The following PTPRS variants were observed in gnomAD, a reference collection of about 807,000 sequenced individuals.
The protein encoded by PTPRS is protein tyrosine phosphatase receptor type S.
A neutral mutation model predicts 215.3 loss-of-function variants in PTPRS; 63 were observed. The ratio of observed to expected loss-of-function variants is 0.29; its 90% CI spans 0.24 to 0.36. PTPRS has a LOEUF of 0.36. PTPRS is among the 10% of genes least tolerant of loss of function. PTPRS has a pLI of 1.00. For missense variants in PTPRS, 2,258 were observed against 2,825.8 expected (o/e 0.80, Z 4.56); for synonymous variants, 1,404 against 1,191.4 (o/e 1.18, Z -3.68).
chr19:5,208,509 T>G, intron 35 of PTPRS, 118 bp from the exon 36 acceptor site: 5 of 1,080,428 alleles, frequency 4.6e-6, no homozygotes, highest in Non-Finnish European at 5.1e-6. Flanking sequence ...GAGATGGAGT[T>G]TCACTCTTGT....
intron 11 of PTPRS, among the ~76,000 whole-genome samples, chr19:5,242,532 TA>T (rs1199122157): frequency 6.7e-6 from 1 of 148,486 alleles, no homozygotes; most frequent in African/African-American, 2.4e-5. Context: ...CACGACTGGC[TA>T]ATTTTTGTAT....
intron 1 of PTPRS, among the ~76,000 whole-genome samples, chr19:5,327,820 C>T (rs1392308994): frequency 6.6e-6 from 1 of 152,062 alleles, no homozygotes; most frequent in Non-Finnish European, 1.5e-5. Flanking sequence ...AGGTTGGACT[C>T]GATCTCCTAG....
In PTPRS at chr19:5,240,350, G is replaced by C. The variant is rs117406236; in HGVS notation, c.1571-18C>G. On this transcript the variant is annotated intron_variant, in intron 11 of 37. Coordinates refer to ENST00000262963, the MANE Select transcript of PTPRS (RefSeq NM_002850.4). Reference sequence around the variant, plus strand: ...GCCCGGCACTGTGGGGGTGCAGGGAGACAACTAGGAGTCGGGGAGCGTCCA... The same window carrying C: ...GCCCGGCACTGTGGGGGTGCAGGGACACAACTAGGAGTCGGGGAGCGTCCA... The C allele has an allele frequency of 8.8e-3, 13,916 of 1,574,632 alleles. 65 individuals are homozygous for C. Among genetic ancestry groups the C allele is most frequent in the Non-Finnish European group, 0.011 (12,499 of 1,161,516 alleles).
Position 5,229,600 on chromosome 19 carries a change from C to T in PTPRS, c.2240G>A (p.Gly747Asp), listed in dbSNP as rs1195141314. Residue 747 changes from glycine to aspartate, a missense_variant, in exon 15 of 38, where the codon GGC becomes GAC. By Grantham distance (94) the Gly-to-Asp change is moderately conservative (BLOSUM62 -1). This residue lies in a region of PTPRS where 371 missense variants were observed against 446.7 expected (regional missense o/e 0.83). Transcript: ENST00000262963. Reference protein sequence around the residue: ...IRVLWRSPAPGRQHGQIRGYQ... With the variant: ...IRVLWRSPAPDRQHGQIRGYQ... ...GCCGCGGATCTGGCCGTGCTGCCGGCCGGGCGCGGGCGAGCGCCACAGCAC... is the reference window on the plus strand; with the variant it reads ...GCCGCGGATCTGGCCGTGCTGCCGGTCGGGCGCGGGCGAGCGCCACAGCAC... The T allele has an allele frequency of 3.5e-6, 5 of 1,428,458 alleles. No homozygotes were observed. Among genetic ancestry groups the T allele is most frequent in the Admixed American group, 5.5e-5 (2 of 36,574 alleles). 88.5% of individuals were successfully genotyped at this position (1,428,458 alleles called of 1,614,324 possible). A position where few individuals can be genotyped will look rare whatever the true frequency, so the allele number is the denominator to read the frequency against.
intron 37 of PTPRS, among the ~76,000 whole-genome samples, chr19:5,207,376 C>T (rs1339811328): frequency 1.3e-5 from 2 of 152,238 alleles, no homozygotes; most frequent in Non-Finnish European, 2.9e-5. Context: ...TAAGCCACCA[C>T]ACCCAGCCTC....
At position 5,219,337 on chromosome 19, in the gene PTPRS, A is replaced by G. The variant is rs1330761136; in HGVS notation, c.3896T>C (p.Ile1299Thr). Residue 1299 changes from isoleucine to threonine, a missense_variant, in exon 23 of 38, where the codon ATT becomes ACT. By Grantham distance (89) the Ile-to-Thr change is moderately conservative. Around this residue, in one of 6 missense-constraint regions of PTPRS, gnomAD observed 927 missense variants for 1,125.9 expected, o/e 0.82. Coordinates refer to ENST00000262963, the MANE Select transcript of PTPRS (RefSeq NM_002850.4). The stretch of plus-strand genomic sequence containing the variant: ...CTTGTAGAGCAGGATAGCAATGACA[A>G]TGCAGATTATGAAGACCACGGCCAG... Reference protein sequence around the residue: ...PVLAVVFIICIVIAILLYKNK... With the variant: ...PVLAVVFIICTVIAILLYKNK... The G allele has an allele frequency of 6.2e-7, 1 of 1,613,934 alleles. No homozygotes were observed. Among genetic ancestry groups the G allele is most frequent in the Non-Finnish European group, 8.5e-7 (1 of 1,180,000 alleles).
chr19:5,284,981 G>A (rs1188607307), intron 2 of PTPRS, among the ~76,000 whole-genome samples: 2 of 152,060 alleles, frequency 1.3e-5, no homozygotes, highest in African/African-American at 4.8e-5. Flanking sequence ...AAAGCAGCAT[G>A]AAAATAAGAA....
chr19:5,300,763 G>C (rs11085124), intron 1 of PTPRS, among the ~76,000 whole-genome samples: 1 of 103,688 alleles, frequency 9.6e-6, no homozygotes, highest in African/African-American at 3.7e-5. Flanking sequence ...ACAAGACTCC[G>C]TCTCAAAAAA....
chr19:5,225,936 TGCAGGGCCCGGATCAGGG>T, intron 16 of PTPRS, 92 bp from the exon 17 acceptor site: 1 of 1,054,434 alleles, frequency 9.5e-7, no homozygotes, highest in Admixed American at 1.8e-5. Context: ...GCAAGGAGGA[TGCAGGGCCCGGATCAGGG>T]GTGGAGACGT....
chr19:5,273,398 C>G, intron 4 of PTPRS, 44 bp downstream of exon 4: 1 of 1,613,300 alleles, frequency 6.2e-7, no homozygotes. Context: ...TCCCCAAAGC[C>G]CAGGGCCCAG....
chr19:5,242,381 AATTTT>A (rs2044116255), intron 11 of PTPRS, among the ~76,000 whole-genome samples: 1 of 151,834 alleles, frequency 6.6e-6, no homozygotes, highest in Admixed American at 6.6e-5. Context: ...ATAACTGTCC[AATTTT>A]ATTTTTTTTG....
intron 24 of PTPRS, 92 bp downstream of exon 24, chr19:5,218,695 C>A: frequency 1.3e-6 from 2 of 1,553,798 alleles, no homozygotes; most frequent in East Asian, 2.2e-5. Context: ...TGGGGGCAGC[C>A]GGGCATCCCC....
At chr19:5,227,413 ATTT>A (rs55762769) in intron 16 of PTPRS, among the ~76,000 whole-genome samples, 38 of 134,994 alleles carry the variant, frequency 2.8e-4, no homozygotes, top group Non-Finnish European at 3.0e-4. Context: ...AGCTGTAACA[ATTT>A]TTTTTTTTTT....
rs1249771341 is a variant in PTPRS at position 5,221,140 on chromosome 19, G to T, written c.3315C>A (p.Ser1105Arg). The change falls in exon 20 of 38, where the codon AGC (serine) becomes AGA (arginine). Residue 1105 changes from serine (S) to arginine (R), a missense_variant. Around this residue, in one of 6 missense-constraint regions of PTPRS, gnomAD observed 927 missense variants for 1,125.9 expected, o/e 0.82. Transcript: ENST00000262963. Reference sequence around the variant, plus strand: ...TGACCGTCTGCTGGAGGCCGCCCAGGCTGCTGCCGCGATTGGTCAGCACAA... The same window carrying T: ...TGACCGTCTGCTGGAGGCCGCCCAGTCTGCTGCCGCGATTGGTCAGCACAA... ...YNFVLTNRGS[S>R]LGGLQQTVTA... 6.2e-7 allele frequency: 1 copy of T among 1,613,934 alleles called. No individual in the cohort carries two copies. Among genetic ancestry groups the T allele is most frequent in the Non-Finnish European group, 8.5e-7 (1 of 1,180,008 alleles).
Position 5,256,138 on chromosome 19 carries a change from G to T in PTPRS, c.707-19C>A. On this transcript the variant is annotated intron_variant, in intron 8 of 37. Transcript: ENST00000262963. ...CGAAGCTCTGAGGGATGTAAAGGGG[G>T]TTTGATGCAGAACACAATGACATGG... 1.3e-6 allele frequency: 2 copies of T among 1,519,884 alleles called. No homozygotes were observed. Among genetic ancestry groups the T allele is most frequent in the Non-Finnish European group, 1.8e-6 (2 of 1,098,672 alleles). 94.1% of individuals were successfully genotyped at this position (1,519,884 alleles called of 1,614,324 possible). A position where few individuals can be genotyped will look rare whatever the true frequency, so the allele number is the denominator to read the frequency against.
At chr19:5,330,094 A>AT (rs2050276868) in intron 1 of PTPRS, among the ~76,000 whole-genome samples, 1 of 151,880 alleles carries the variant, frequency 6.6e-6, no homozygotes, top group African/African-American at 2.4e-5. Flanking sequence ...AAAAAAAAAA[A>AT]AATTATTAAG....
chr19:5,212,865 G>A (rs1018374922), intron 30 of PTPRS, among the ~76,000 whole-genome samples: 1 of 150,844 alleles, frequency 6.6e-6, no homozygotes, highest in African/African-American at 2.4e-5. Context: ...ACCCATGTCT[G>A]CGCCTCCCAG....
At chr19:5,335,113 TCCTC>T (rs2050451976) in intron 1 of PTPRS, among the ~76,000 whole-genome samples, 2 of 152,074 alleles carry the variant, frequency 1.3e-5, no homozygotes, top group Admixed American at 1.3e-4. Context: ...CGATGGGCCA[TCCTC>T]CCAGCCTCTC....
intron 1 of PTPRS, among the ~76,000 whole-genome samples, chr19:5,312,529 C>T (rs916273997): frequency 2.0e-5 from 3 of 152,036 alleles, no homozygotes; most frequent in South Asian, 2.1e-4. Context: ...GGCGTGGTGG[C>T]GCATGCCTGT....
Sources: allele counts gnomAD v4.1 joint callset (sites outside exome capture counted in the v4.1 genomes callset), GRCh38; gene constraint gnomAD v4.1.1; regional missense constraint gnomAD v4.1.1; transcripts MANE v1.5; gene names NCBI Gene and HGNC (gene_info 2026-07-23, HGNC 2026-07-21).